LRRC3B: variants seen among roughly 807,000 people sequenced by gnomAD.
The protein encoded by LRRC3B is leucine-rich repeat-containing protein 3B.
A neutral mutation model predicts 12.8 loss-of-function variants in LRRC3B; 2 were observed. The observed-to-expected ratio is 0.16, with a 90% CI of 0.06 to 0.49. The LOEUF is 0.49. Ranked by LOEUF, LRRC3B falls within the 20% of genes least tolerant of loss-of-function variation. The pLI is 0.96. For synonymous variants in LRRC3B, 132 were observed against 122.0 expected, an observed-to-expected ratio of 1.08 and a Z score of -0.54; for missense variants, 189 against 319.4, an observed-to-expected ratio of 0.59 and a Z score of 3.11.
At chr3:26,636,326 A>T (rs1452373175) in intron 1 of LRRC3B, among the ~76,000 whole-genome samples, 1 of 151,754 alleles carries the variant, frequency 6.6e-6, no homozygotes, top group Non-Finnish European at 1.5e-5. Context: ...GAAGGATGTG[A>T]TTTTTTTTTA....
intron 1 of LRRC3B, among the ~76,000 whole-genome samples, chr3:26,673,957 T>C (rs1699805456): frequency 1.3e-5 from 2 of 152,226 alleles, no homozygotes; most frequent in Admixed American, 1.3e-4. Context: ...CCTGACCTAG[T>C]GTAGATTGTA....
chr3:26,689,924 C>T lies in LRRC3B; in HGVS notation c.-160-19589C>T, dbSNP rs182650600. On this transcript the variant is annotated intron_variant, in intron 1 of 1. Transcript: ENST00000396641. ...TTTTGGTGTTGGTGAATTGGAAAGA[C>T]GAAGAGGAGGAAATGCTCAGGGTGG... Among the ~76,000 whole-genome samples the T allele has an allele frequency of 5.9e-5, 9 of 152,248 alleles. No homozygotes were observed. The East Asian group carries it at 7.7e-4, about 13-fold the overall frequency.
At chr3:26,703,054 A>G (rs1700496908) in intron 1 of LRRC3B, among the ~76,000 whole-genome samples, 1 of 152,112 alleles carries the variant, frequency 6.6e-6, no homozygotes, top group African/African-American at 2.4e-5. Flanking sequence ...AGAAGTTATT[A>G]TCTCCAAACA....
Position 26,646,598 on chromosome 3 carries a change from T to TA in LRRC3B, c.-161+23399dup, listed in dbSNP as rs529066996. On this transcript the variant is annotated intron_variant, in intron 1 of 1. Transcript: ENST00000396641. ...CCCAGAGGCCACTAAGGATAGGAGG[T>TA]AAAAAAAAAAAAAAAAAAAAAAAAA... Among the ~76,000 whole-genome samples, 558 of 99,522 alleles carry TA rather than the reference T, an allele frequency of 5.6e-3. 66 individuals carry two copies. The highest frequency in any genetic ancestry group is 8.2e-3 in the Non-Finnish European group (394 of 48,118). The allele number at this position is 99,522 out of a possible 152,430, so 65.3% of individuals were successfully genotyped here.
At chr3:26,674,298 G>T (rs1316393986) in intron 1 of LRRC3B, among the ~76,000 whole-genome samples, 1 of 152,146 alleles carries the variant, frequency 6.6e-6, no homozygotes, top group Non-Finnish European at 1.5e-5. Context: ...TTGTCGTGCT[G>T]TCATAGGACA....
At chr3:26,694,961 C>A (rs1294917848) in intron 1 of LRRC3B, among the ~76,000 whole-genome samples, 1 of 152,084 alleles carries the variant, frequency 6.6e-6, no homozygotes, top group Non-Finnish European at 1.5e-5. Context: ...TCCTTAATAT[C>A]ATCAACCCCC....
chr3:26,707,122 C>A (rs1016161540), intron 1 of LRRC3B, among the ~76,000 whole-genome samples: 4 of 150,118 alleles, frequency 2.7e-5, no homozygotes, highest in Admixed American at 2.0e-4. Flanking sequence ...GGAGGCGAGG[C>A]AGGTAGATCA....
chr3:26,707,343 G>A (rs1700622540), intron 1 of LRRC3B, among the ~76,000 whole-genome samples: 1 of 151,944 alleles, frequency 6.6e-6, no homozygotes, highest in Non-Finnish European at 1.5e-5. Context: ...TCCAGCCTGG[G>A]CAACAGAGCA....
chr3:26,700,510 G>A (rs1239709486), intron 1 of LRRC3B, among the ~76,000 whole-genome samples: 4 of 152,248 alleles, frequency 2.6e-5, no homozygotes, highest in South Asian at 4.1e-4. Context: ...GACTAATAAT[G>A]TCCACTATGT....
intron 1 of LRRC3B, among the ~76,000 whole-genome samples, chr3:26,643,781 T>C (rs184925431): frequency 8.7e-4 from 132 of 152,298 alleles, no homozygotes; most frequent in African/African-American, 2.9e-3. Context: ...GGGGACTATA[T>C]ATAGCAGCTG....
At chr3:26,674,936 A>G (rs1252747531) in intron 1 of LRRC3B, among the ~76,000 whole-genome samples, 1 of 152,226 alleles carries the variant, frequency 6.6e-6, no homozygotes, top group Non-Finnish European at 1.5e-5. Context: ...ATGTAATTTA[A>G]AAAGGATTCC....
chr3:26,642,075 T>C (rs1699042098), intron 1 of LRRC3B, among the ~76,000 whole-genome samples: 1 of 152,250 alleles, frequency 6.6e-6, no homozygotes, highest in Non-Finnish European at 1.5e-5. Flanking sequence ...TATTATTGTA[T>C]AGTTCTGCAC....
exon 2 of LRRC3B, chr3:26,710,699 T>G (rs1380118467): frequency 5.6e-6 from 2 of 359,062 alleles, no homozygotes; most frequent in African/African-American, 4.2e-5. Context: ...ATTAGTTAGA[T>G]CCATCTCACT....
At chr3:26,633,548 C>A (rs763993334) in intron 1 of LRRC3B, among the ~76,000 whole-genome samples, 1 of 152,048 alleles carries the variant, frequency 6.6e-6, no homozygotes, top group Non-Finnish European at 1.5e-5. Flanking sequence ...GTTCAAGAAC[C>A]CTGAACAAAG....
At chr3:26,680,050 A>T (rs1559364726) in intron 1 of LRRC3B, among the ~76,000 whole-genome samples, 1 of 152,278 alleles carries the variant, frequency 6.6e-6, no homozygotes, top group East Asian at 1.9e-4. Context: ...ATGTGCAACA[A>T]ATTTCCCAGA....
At chr3:26,691,855 A>T (rs953507490) in intron 1 of LRRC3B, among the ~76,000 whole-genome samples, 1 of 152,232 alleles carries the variant, frequency 6.6e-6, no homozygotes, top group Non-Finnish European at 1.5e-5. Context: ...ACAGAATGTT[A>T]TTTATGTCAG....
chr3:26,637,507 C>A (rs1280069137), intron 1 of LRRC3B, among the ~76,000 whole-genome samples: 1 of 152,122 alleles, frequency 6.6e-6, no homozygotes, highest in Non-Finnish European at 1.5e-5. Flanking sequence ...GGTCTTCTTT[C>A]CACTGAGTTG....
chr3:26,709,409 A>C (rs896331773), intron 1 of LRRC3B, 104 bp from the exon 2 acceptor site: 22 of 477,394 alleles, frequency 4.6e-5, no homozygotes, highest in Non-Finnish European at 7.8e-5. Flanking sequence ...CTGCATAACT[A>C]ACCCCCCTGC....
rs1698898164 is a variant in LRRC3B at position 26,636,908 on chromosome 3, CTCTTTCTCTCTTTCTTTCTTTCTT to C, written c.-161+13679_-161+13702del. ...TTCCTTTCTCTCTCTCTCTCTTTCTCTCTTTCTCTCTTTCTTTCTTTCTTTCTTTCTTTCTTTCTTTCTTTCTTT... is the reference window on the plus strand; with the variant it reads ...TTCCTTTCTCTCTCTCTCTCTTTCTCTCTTTCTTTCTTTCTTTCTTTCTTT... On this transcript the variant is annotated intron_variant, in intron 1 of 1. Transcript: ENST00000396641. Among the ~76,000 whole-genome samples the C allele has an allele frequency of 2.0e-4, 21 of 105,394 alleles. 1 individual carries two copies. The highest frequency in any genetic ancestry group is 8.7e-4 in the African/African-American group (19 of 21,734). 69.1% of individuals were successfully genotyped at this position (105,394 alleles called of 152,430 possible). A position where few individuals can be genotyped will look rare whatever the true frequency, so the allele number is the denominator to read the frequency against.
Sources: allele counts gnomAD v4.1 joint callset (sites outside exome capture counted in the v4.1 genomes callset), GRCh38; gene constraint gnomAD v4.1.1; transcripts MANE v1.5; gene names NCBI Gene and HGNC (gene_info 2026-07-23, HGNC 2026-07-21).